TIMP2: variants seen among roughly 807,000 people sequenced by gnomAD.
TIMP2 encodes TIMP metallopeptidase inhibitor 2.
A neutral mutation model predicts 24.3 loss-of-function variants in TIMP2; 5 were observed. That is an observed-to-expected ratio of 0.21 (90% CI 0.11 to 0.43). TIMP2 has a LOEUF of 0.43. Among genes scored for constraint, TIMP2 ranks in the 20% least tolerant of loss-of-function variants. TIMP2 has a pLI of 1.00. For missense variants in TIMP2, 221 were observed against 297.5 expected (o/e 0.74, Z 1.89); for synonymous variants, 130 against 123.2 (o/e 1.06, Z -0.37).
chr17:78,876,692 T>TG (rs1219835856), intron 1 of TIMP2, among the ~76,000 whole-genome samples: 1 of 151,742 alleles, frequency 6.6e-6, no homozygotes, highest in African/African-American at 2.4e-5. Context: ...AATTTTTTTT[T>TG]TTTTTGGTAT....
At chr17:78,869,018 G>A (rs1337308653) in intron 3 of TIMP2, among the ~76,000 whole-genome samples, 3 of 152,240 alleles carry the variant, frequency 2.0e-5, no homozygotes, top group African/African-American at 7.2e-5. Context: ...ATCCCCAAAT[G>A]TTAATAGTGC....
chr17:78,874,403 C>T (rs1270301159), intron 1 of TIMP2, among the ~76,000 whole-genome samples: 1 of 152,166 alleles, frequency 6.6e-6, no homozygotes, highest in East Asian at 1.9e-4. Context: ...TCCCCACCCT[C>T]CAGCCACGGC....
intron 2 of TIMP2, among the ~76,000 whole-genome samples, chr17:78,871,711 T>C (rs969715052): frequency 3.3e-5 from 5 of 151,654 alleles, no homozygotes; most frequent in Non-Finnish European, 7.4e-5. Context: ...CTGGGCGTGG[T>C]GGCGGGCGCC....
At chr17:78,897,274 G>C (rs2070017542) in intron 1 of TIMP2, 1 of 152,444 alleles carries the variant, frequency 6.6e-6, no homozygotes, top group African/African-American at 2.4e-5. Flanking sequence ...AGATCCTGTG[G>C]TTCACTGTGA....
rs151161183 is a variant in TIMP2 at position 78,872,208 on chromosome 17, C to T, written c.232-1202G>A. Among the ~76,000 whole-genome samples, 731 of 151,268 alleles carry T rather than the reference C, an allele frequency of 4.8e-3. 5 individuals carry two copies. Among genetic ancestry groups the T allele is most frequent in the African/African-American group, 0.016 (672 of 41,180 alleles). ...GTCTCGCTCTATTACCCAGGCTGGT[C>T]TCAAACTCCTGAGCTCAAGCAATCC... On this transcript the variant is annotated intron_variant, in intron 2 of 4. Coordinates refer to ENST00000262768, the MANE Select transcript of TIMP2 (RefSeq NM_003255.5).
chr17:78,894,195 C>T (rs1421934395), intron 1 of TIMP2, among the ~76,000 whole-genome samples: 1 of 151,614 alleles, frequency 6.6e-6, no homozygotes, highest in Non-Finnish European at 1.5e-5. Flanking sequence ...AAGCTCCTAC[C>T]CCCCCCGGTT....
chr17:78,896,264 A>G lies in TIMP2; in HGVS notation c.131-22345T>C, dbSNP rs745387286. 3.9e-5 allele frequency among the ~76,000 whole-genome samples: 6 copies of G among 152,108 alleles called. No individual in the cohort carries two copies. The highest frequency in any genetic ancestry group is 8.8e-5 in the Non-Finnish European group (6 of 68,014). ...CAGGCACTGGCAGGGAAAGCAACAG[A>G]GCCTTAGCTGAGCCCAAGATGACCA... is the stretch of plus-strand genomic sequence containing the variant. On this transcript the variant is annotated intron_variant, in intron 1 of 4. Coordinates refer to ENST00000262768, the MANE Select transcript of TIMP2 (RefSeq NM_003255.5). This position sits in a 1 kb window ranked among gnomAD's most constrained non-coding sequence, Gnocchi z 4.4.
intron 1 of TIMP2, among the ~76,000 whole-genome samples, chr17:78,912,420 AC>A (rs1358590810): frequency 6.6e-6 from 1 of 151,746 alleles, no homozygotes; most frequent in Non-Finnish European, 1.5e-5. Flanking sequence ...GGCCAAATAA[AC>A]TCTCAACCCA....
chr17:78,904,771 A>ACCAT (rs2070142459), intron 1 of TIMP2: 1 of 152,224 alleles, frequency 6.6e-6, no homozygotes, highest in Non-Finnish European at 1.5e-5. Flanking sequence ...CAGGTGGGGC[A>ACCAT]CCATCACTCA....
chr17:78,916,482 C>G (rs1454151558), intron 1 of TIMP2, among the ~76,000 whole-genome samples: 1 of 152,158 alleles, frequency 6.6e-6, no homozygotes, highest in Admixed American at 6.5e-5. Flanking sequence ...CGCCTGAGCT[C>G]CTGACCAGGT....
chr17:78,893,148 T>C (rs1478477858), intron 1 of TIMP2, among the ~76,000 whole-genome samples: 2 of 141,332 alleles, frequency 1.4e-5, no homozygotes, highest in African/African-American at 5.4e-5. Context: ...TGTGCGTACA[T>C]GTGTGTGCAG....
chr17:78,863,610 C>G (rs2069584966), intron 3 of TIMP2, among the ~76,000 whole-genome samples: 2 of 152,316 alleles, frequency 1.3e-5, no homozygotes, highest in African/African-American at 4.8e-5. Context: ...GATCCCGCCA[C>G]AGGTCCAGGG....
At chr17:78,901,394 A>G in intron 1 of TIMP2, 1 of 252,724 alleles carries the variant, frequency 4.0e-6, no homozygotes, top group African/African-American at 2.2e-5. Flanking sequence ...ACAAGGAGCA[A>G]ATCTGAACGA....
intron 1 of TIMP2, among the ~76,000 whole-genome samples, chr17:78,916,446 A>G (rs2070258731): frequency 6.6e-6 from 1 of 152,030 alleles, no homozygotes; most frequent in Non-Finnish European, 1.5e-5. Flanking sequence ...ACCAGATTCC[A>G]GCAGAACTCA....
rs917329512 is a variant in TIMP2 at position 78,891,090 on chromosome 17, G to A, written c.131-17171C>T. On this transcript the variant is annotated intron_variant, in intron 1 of 4. Coordinates refer to ENST00000262768, the MANE Select transcript of TIMP2 (RefSeq NM_003255.5). The surrounding 1 kb of genome is among the most constrained non-coding windows in gnomAD (Gnocchi z 4.5). The stretch of plus-strand genomic sequence containing the variant: ...AGCGTGCCCAGTTTGGGGGTCTCTT[G>A]TCCAGATTCAGTGCTATACAATAAT... The A allele has an allele frequency of 6.4e-7, 1 of 1,550,906 alleles. No individual in the cohort carries two copies. The highest frequency in any genetic ancestry group is 1.2e-5 in the South Asian group (1 of 84,070).
At position 78,855,823 on chromosome 17, in the gene TIMP2, CG is replaced by C; in HGVS notation, c.506del (p.Pro169ArgfsTer76). 6.2e-7 allele frequency: 1 copy of C among 1,614,066 alleles called. No individual in the cohort carries two copies. The highest frequency in any genetic ancestry group is 8.5e-7 in the Non-Finnish European group (1 of 1,180,008). On this transcript the variant is annotated frameshift_variant, in exon 5 of 5. Transcript: ENST00000262768. LOFTEE classifies it high-confidence loss of function. This position sits in a 1 kb window ranked among gnomAD's most constrained non-coding sequence, Gnocchi z 6.0. ...CCCAGTCCATCCAGAGGCACTCGTC[CG>C]GGGAGGAGATGTAGCACGGGATCAT... ...CPMIPCYISS[P>X]DECLWMDWVT...
chr17:78,899,986 T>C (rs1257559683), intron 1 of TIMP2: 4 of 152,240 alleles, frequency 2.6e-5, no homozygotes, highest in African/African-American at 9.6e-5. Context: ...CCCTTTCATA[T>C]GGAAAGTTAG....
intron 1 of TIMP2, among the ~76,000 whole-genome samples, chr17:78,878,794 C>T (rs780051862): frequency 2.0e-5 from 3 of 152,248 alleles, no homozygotes; most frequent in East Asian, 3.9e-4. Context: ...CTCCATCTCC[C>T]CTGGGCTGCT....
intron 2 of TIMP2, 29 bp downstream of exon 2, chr17:78,873,790 C>T (rs373932174): frequency 2.9e-5 from 46 of 1,589,850 alleles, no homozygotes; most frequent in Admixed American, 1.2e-4. Flanking sequence ...GCCCACAGTG[C>T]AGCCCGGGAT....
Sources: allele counts gnomAD v4.1 joint callset (sites outside exome capture counted in the v4.1 genomes callset), GRCh38; gene constraint gnomAD v4.1.1; non-coding constraint Gnocchi (gnomAD v3.1); transcripts MANE v1.5; gene names NCBI Gene and HGNC (gene_info 2026-07-23, HGNC 2026-07-21).